DCHS2: variants seen among roughly 807,000 people sequenced by gnomAD.
DCHS2 encodes dachsous cadherin-related 2, also known as protocadherin-23.
In DCHS2, 142 loss-of-function variants were observed where a neutral mutation model predicts 182.4. The ratio of observed to expected loss-of-function variants is 0.78; its 90% CI spans 0.68 to 0.89. The LOEUF is 0.89. Among genes scored for constraint, DCHS2 ranks in the 40% least tolerant of loss-of-function variants. The pLI is 0.00. For synonymous variants in DCHS2, 1,740 were observed against 1,663.3 expected, an observed-to-expected ratio of 1.05 and a Z score of -1.12; for missense variants, 4,319 against 4,198.6, an observed-to-expected ratio of 1.03 and a Z score of -0.79.
At chr4:154,242,890 T>C in intron 16 of DCHS2, 118 bp from the exon 17 acceptor site, 1 of 1,353,330 alleles carries the variant, frequency 7.4e-7, no homozygotes, top group Non-Finnish European at 9.6e-7. Flanking sequence ...CTTTTATTTT[T>C]CTCTTGGATT....
intron 3 of DCHS2, among the ~76,000 whole-genome samples, chr4:154,350,415 A>T (rs1337396103): frequency 1.3e-5 from 2 of 151,838 alleles, no homozygotes; most frequent in Admixed American, 6.6e-5. Context: ...TTTTTTTTAA[A>T]TTTTTTTTCA....
intron 14 of DCHS2, among the ~76,000 whole-genome samples, chr4:154,260,654 T>A (rs1732945364): frequency 6.6e-6 from 1 of 152,204 alleles, no homozygotes; most frequent in Admixed American, 6.5e-5. Context: ...CAGATCACCA[T>A]CCCTGTACCA....
intron 1 of DCHS2, among the ~76,000 whole-genome samples, chr4:154,380,029 T>G (rs1731098204): frequency 6.6e-6 from 1 of 152,146 alleles, no homozygotes. Flanking sequence ...GAGATACTGC[T>G]GCAATGTATT....
At chr4:154,261,079 G>C (rs916620472) in intron 14 of DCHS2, among the ~76,000 whole-genome samples, 1 of 152,128 alleles carries the variant, frequency 6.6e-6, no homozygotes, top group African/African-American at 2.4e-5. Context: ...CCATCAAATA[G>C]AGAGTTTCTG....
At chr4:154,442,728 T>C (rs1239731097) in intron 1 of DCHS2, among the ~76,000 whole-genome samples, 1 of 152,078 alleles carries the variant, frequency 6.6e-6, no homozygotes, top group Non-Finnish European at 1.5e-5. Context: ...GCACATGTCA[T>C]CAGAGACACA....
At chr4:154,483,128 G>T (rs113707628) in intron 1 of DCHS2, among the ~76,000 whole-genome samples, 8 of 152,150 alleles carry the variant, frequency 5.3e-5, no homozygotes, top group Non-Finnish European at 1.2e-4. Flanking sequence ...GGGAGATATA[G>T]TTGGAGAGAT....
In DCHS2 at chr4:154,305,234, T is replaced by C. The variant is rs570846646; in HGVS notation, c.5261-3A>G. ...AAACTGAAGCTTGGAATTGACTCCT[T>C]AAGAAAAATATAAAGAAAAACTTAG... On this transcript the variant is annotated splice_region_variant and splice_polypyrimidine_tract_variant and intron_variant, in intron 10 of 19. Transcript: ENST00000357232. 16 of 1,600,658 alleles carry C rather than the reference T, an allele frequency of 1.0e-5. No individual in the cohort carries two copies. The South Asian group carries it at 1.8e-4, about 18-fold the overall frequency.
At chr4:154,286,768 AG>A (rs1561012543) in intron 13 of DCHS2, among the ~76,000 whole-genome samples, 1 of 152,184 alleles carries the variant, frequency 6.6e-6, no homozygotes, top group Non-Finnish European at 1.5e-5. Flanking sequence ...GGGAAAGTAG[AG>A]AAAGAGGTAA....
At chr4:154,261,874 G>T (rs1461901240) in intron 14 of DCHS2, 1 of 152,096 alleles carries the variant, frequency 6.6e-6, no homozygotes. Context: ...GGCAGCTGGA[G>T]AATAATTAAG....
At chr4:154,382,039 A>G (rs1007175523) in intron 1 of DCHS2, among the ~76,000 whole-genome samples, 15 of 152,176 alleles carry the variant, frequency 9.9e-5, no homozygotes, top group Non-Finnish European at 2.2e-4. Flanking sequence ...AAATTATACT[A>G]TAGGGCTACA....
At chr4:154,413,725 C>T (rs17031592) in intron 1 of DCHS2, among the ~76,000 whole-genome samples, 34,621 of 152,070 alleles carry the variant, frequency 0.23, 4,251 homozygotes, top group African/African-American at 0.32. Flanking sequence ...CACTGAAGGT[C>T]AGAACCCCTA....
chr4:154,377,093 C>G (rs543194046), intron 2 of DCHS2, among the ~76,000 whole-genome samples, 160 bp downstream of exon 2: 2 of 152,232 alleles, frequency 1.3e-5, no homozygotes, highest in South Asian at 4.2e-4. Flanking sequence ...GGTGAAATAA[C>G]ATGCTGGATA....
chr4:154,458,224 GAAAC>G (rs1295483431), intron 1 of DCHS2, among the ~76,000 whole-genome samples: 1 of 125,596 alleles, frequency 8.0e-6, no homozygotes, highest in Non-Finnish European at 2.0e-5. Context: ...CACCCAAAGA[GAAAC>G]AATATTTTGC....
intron 1 of DCHS2, among the ~76,000 whole-genome samples, chr4:154,397,034 G>A (rs1450801532): frequency 1.3e-5 from 2 of 152,154 alleles, no homozygotes; most frequent in African/African-American, 4.8e-5. Flanking sequence ...AAATCAGCCT[G>A]AGCAAAAAGT....
At chr4:154,459,398 A>T (rs1326865313) in intron 1 of DCHS2, among the ~76,000 whole-genome samples, 1 of 152,148 alleles carries the variant, frequency 6.6e-6, no homozygotes, top group Admixed American at 6.5e-5. Context: ...AAAGAAACAA[A>T]AGAGACTTTA....
At position 154,235,530 on chromosome 4, in the gene DCHS2, C is replaced by G. The variant is rs1731431485; in HGVS notation, c.9122G>C (p.Arg3041Thr). 4 of 1,613,936 alleles carry G rather than the reference C, an allele frequency of 2.5e-6. No individual in the cohort carries two copies. The highest frequency in any genetic ancestry group is 3.4e-6 in the Non-Finnish European group (4 of 1,179,984). The part of the protein sequence containing the change: ...KKTSSLDADL[R>T]VTRDASVLKA... ...GAGCACACTGGCATCCCGGGTCACT[C>G]TCAAGTCCGCATCTAAAGATGAGGT... is the stretch of plus-strand genomic sequence containing the variant. The change falls in exon 20 of 20, where the codon AGA becomes ACA. Residue 3041 changes from arginine (R) to threonine (T), a missense_variant. By Grantham distance (71) the Arg-to-Thr change is moderately conservative. Coordinates refer to ENST00000357232, the MANE Select transcript of DCHS2 (RefSeq NM_001358235.2).
intron 1 of DCHS2, among the ~76,000 whole-genome samples, chr4:154,469,625 C>T (rs902024237): frequency 7.9e-5 from 12 of 152,222 alleles, no homozygotes; most frequent in African/African-American, 2.9e-4. Flanking sequence ...TGACACCCTA[C>T]ATGACCTGGC....
intron 3 of DCHS2, among the ~76,000 whole-genome samples, chr4:154,361,986 G>A (rs1730145944): frequency 6.6e-6 from 1 of 152,258 alleles, no homozygotes; most frequent in Admixed American, 6.5e-5. Context: ...AAATCTCTAA[G>A]AGAGAATTCT....
At position 154,291,284 on chromosome 4, in the gene DCHS2, GA is replaced by G. The variant is rs367610358; in HGVS notation, c.6463+6566del. 2.6e-3 allele frequency among the ~76,000 whole-genome samples: 388 copies of G among 148,420 alleles called. 3 individuals are homozygous for G. The highest frequency in any genetic ancestry group is 8.5e-3 in the African/African-American group (346 of 40,590). Reference sequence around the variant, plus strand: ...AAAATGACTTATATCCAAAAGACAGGAAAAAAAAAATGCTAGTGAGGATGTT... The same window carrying G: ...AAAATGACTTATATCCAAAAGACAGGAAAAAAAAATGCTAGTGAGGATGTT... On this transcript the variant is annotated intron_variant, in intron 13 of 19. Transcript: ENST00000357232.
Sources: gnomAD v4.1 joint callset for allele counts (sites outside exome capture counted in the v4.1 genomes callset) on GRCh38, gnomAD v4.1.1 for gene constraint, MANE v1.5 for transcripts, NCBI Gene and HGNC (gene_info 2026-07-23, HGNC 2026-07-21) for gene names.